The following HHLA1 variants were observed in gnomAD, a reference collection of about 807,000 sequenced individuals.
HHLA1 encodes the protein HHLA1 neighbor of OC90.
A neutral mutation model predicts 69.9 loss-of-function variants in HHLA1; 72 were observed. The observed-to-expected ratio is 1.03, with a 90% CI of 0.85 to 1.25. The LOEUF (loss-of-function observed/expected upper bound fraction) is 1.25, where lower values mean the gene tolerates loss of function less well. Among genes scored for constraint, HHLA1 ranks in the 50% most tolerant of loss-of-function variants. HHLA1 has a pLI of 0.00. For missense variants in HHLA1, 685 were observed against 642.2 expected (o/e 1.07, Z -0.72); for synonymous variants, 252 against 233.2 (o/e 1.08, Z -0.73).
chr8:132,070,875 TCTCAACTCATTACAA>T (rs1008146718), intron 15 of HHLA1, among the ~76,000 whole-genome samples: 1 of 151,780 alleles, frequency 6.6e-6, no homozygotes, highest in African/African-American at 2.4e-5. Flanking sequence ...ACTCAACTCA[TCTCAACTCATTACAA>T]CTCAACTCAA....
chr8:132,105,048 G>A (rs2130901642), intron 2 of HHLA1, 139 bp downstream of exon 2: 2 of 676,928 alleles, frequency 3.0e-6, no homozygotes, highest in Non-Finnish European at 2.6e-6. Flanking sequence ...AACAGAAGTA[G>A]GGAAGTTATT....
At chr8:132,102,230 T>A (rs1238919940) in intron 3 of HHLA1, among the ~76,000 whole-genome samples, 1 of 152,262 alleles carries the variant, frequency 6.6e-6, no homozygotes, top group East Asian at 1.9e-4. Context: ...CATTTCCTTT[T>A]CCTGTTTATC....
At position 132,077,989 on chromosome 8, in the gene HHLA1, C is replaced by G. The variant is rs1369445952; in HGVS notation, c.926-18G>C. On this transcript the variant is annotated intron_variant, in intron 11 of 16. Coordinates refer to ENST00000414222, the MANE Select transcript of HHLA1 (RefSeq NM_001145095.3). ...CCTGGTAGCTGCACATTCAAAGTGA[C>G]AGTAACAGGGTACAGACATGCTTGA... 10 of 1,551,218 alleles carry G rather than the reference C, an allele frequency of 6.4e-6. No homozygotes were observed. Among genetic ancestry groups the G allele is most frequent in the Non-Finnish European group, 8.7e-6 (10 of 1,146,734 alleles).
Position 132,076,475 on chromosome 8 carries a change from C to T in HHLA1, c.1240G>A (p.Gly414Ser). 3 of 1,518,096 alleles carry T rather than the reference C, an allele frequency of 2.0e-6. No individual in the cohort carries two copies. The highest frequency in any genetic ancestry group is 2.7e-6 in the Non-Finnish European group (3 of 1,125,946). The allele number at this position is 1,518,096 out of a possible 1,614,324, so 94.0% of individuals were successfully genotyped here. ...KATAPRYPQTGDLSAEWPFTA... is the reference protein window; with the variant it reads ...KATAPRYPQTSDLSAEWPFTA... ...CCCACTTCCGTACTGAGTTTCTCAC[C>T]TGTTTGTGGATATCTGGGGGCTGTT... Residue 414 changes from glycine (G) to serine (S), a missense_variant and splice_region_variant, in exon 13 of 17, where the codon GGT becomes AGT. Physicochemically the swap from Gly to Ser is moderately conservative, Grantham distance 56 (BLOSUM62 0). Transcript: ENST00000414222.
chr8:132,079,584 A>C, intron 11 of HHLA1, 134 bp downstream of exon 11: 1 of 976,656 alleles, frequency 1.0e-6, no homozygotes, highest in Non-Finnish European at 1.5e-6. Context: ...CAGATCTGTT[A>C]TTTAAGTAAG....
At chr8:132,071,195 T>G in intron 15 of HHLA1, 145 bp downstream of exon 15, 1 of 631,208 alleles carries the variant, frequency 1.6e-6, no homozygotes, top group East Asian at 2.8e-5. Context: ...AAGGACTCAC[T>G]GGAGAGTCCC....
chr8:132,084,370 G>C (rs1398098065), intron 10 of HHLA1, among the ~76,000 whole-genome samples: 2 of 152,124 alleles, frequency 1.3e-5, no homozygotes, highest in Non-Finnish European at 2.9e-5. Flanking sequence ...CTTGGGGTTG[G>C]TACTGAGGGG....
intron 3 of HHLA1, 46 bp downstream of exon 3, chr8:132,104,062 T>A: frequency 7.3e-7 from 1 of 1,378,698 alleles, no homozygotes; most frequent in Non-Finnish European, 1.0e-6. Context: ...TCAAGGAATT[T>A]GCCCAAGAAC....
intron 8 of HHLA1, among the ~76,000 whole-genome samples, chr8:132,088,423 G>A (rs1019236277): frequency 6.6e-6 from 1 of 152,212 alleles, no homozygotes; most frequent in African/African-American, 2.4e-5. Flanking sequence ...TTCTCTGGAT[G>A]CTGTTGGAGA....
intron 10 of HHLA1, chr8:132,080,436 G>A (rs1823731076): frequency 3.4e-6 from 1 of 295,406 alleles, no homozygotes; most frequent in East Asian, 9.5e-5. Flanking sequence ...GGCAGGAGTG[G>A]GGGTCTCAAG....
At chr8:132,091,515 C>A (rs1237579594) in intron 7 of HHLA1, among the ~76,000 whole-genome samples, 1 of 152,194 alleles carries the variant, frequency 6.6e-6, no homozygotes, top group African/African-American at 2.4e-5. Context: ...TTTGTCAATT[C>A]TCCCTTTAGA....
rs1299047748 is a variant in HHLA1 at position 132,066,175 on chromosome 8, G to GACTTATTT, written c.1470-215_1470-208dup. Among the ~76,000 whole-genome samples the GACTTATTT allele has an allele frequency of 3.3e-5, 5 of 152,316 alleles. No individual in the cohort carries two copies. In the South Asian group the frequency reaches 6.2e-4, roughly 19 times the overall value. On this transcript the variant is annotated intron_variant, in intron 15 of 16. Transcript: ENST00000414222. Reference sequence around the variant, plus strand: ...GAAGTTCAGACTTTGGGGCCAGCAAGACTTATTTTTATCCCTAGCCCCACT... The same window carrying GACTTATTT: ...GAAGTTCAGACTTTGGGGCCAGCAAGACTTATTTACTTATTTTTATCCCTAGCCCCACT...
chr8:132,092,875 A>C (rs1823967382), intron 7 of HHLA1, among the ~76,000 whole-genome samples: 2 of 152,236 alleles, frequency 1.3e-5, no homozygotes, highest in Admixed American at 1.3e-4. Flanking sequence ...CTATGAGAAC[A>C]CAGATCATTA....
intron 1 of HHLA1, among the ~76,000 whole-genome samples, 196 bp from the exon 2 acceptor site, chr8:132,105,482 G>A (rs1024207127): frequency 1.3e-5 from 2 of 152,224 alleles, no homozygotes; most frequent in Non-Finnish European, 2.9e-5. Flanking sequence ...TTTCTTGTTT[G>A]CAGTATATAT....
intron 14 of HHLA1, among the ~76,000 whole-genome samples, chr8:132,075,375 T>C (rs1213109354): frequency 6.6e-6 from 1 of 152,176 alleles, no homozygotes; most frequent in East Asian, 1.9e-4. Context: ...TTATGGAATC[T>C]GGCTCAACAG....
At chr8:132,104,030 G>A (rs1395588425) in intron 3 of HHLA1, 78 bp downstream of exon 3, 6 of 946,094 alleles carry the variant, frequency 6.3e-6, no homozygotes, top group South Asian at 4.2e-5. Flanking sequence ...CTTATCAGTA[G>A]AGAAAGTCAG....
At chr8:132,083,747 G>C (rs547690882) in intron 10 of HHLA1, among the ~76,000 whole-genome samples, 1 of 152,192 alleles carries the variant, frequency 6.6e-6, no homozygotes, top group African/African-American at 2.4e-5. Context: ...TGGCCGCTGC[G>C]GTTCGGGCGT....
At position 132,067,027 on chromosome 8, in the gene HHLA1, AG is replaced by A. The variant is rs145722487; in HGVS notation, c.1470-1060del. On this transcript the variant is annotated intron_variant, in intron 15 of 16. Coordinates refer to ENST00000414222, the MANE Select transcript of HHLA1 (RefSeq NM_001145095.3). ...AAGGGCTGAAAGAACCAACAGGGGA[AG>A]GTGTGGTAACCCCGCATTAGCAGCC... Among the ~76,000 whole-genome samples, 598 of 152,320 alleles carry A rather than the reference AG, an allele frequency of 3.9e-3. 7 individuals are homozygous for A. The highest frequency in any genetic ancestry group is 0.014 in the African/African-American group (576 of 41,580).
At chr8:132,104,281 G>T in intron 2 of HHLA1, 114 bp from the exon 3 acceptor site, 1 of 696,782 alleles carries the variant, frequency 1.4e-6, no homozygotes, top group Non-Finnish European at 2.5e-6. Flanking sequence ...GGGTTGTGAA[G>T]TGACATTTAG....
Sources: gnomAD v4.1 joint callset for allele counts (sites outside exome capture counted in the v4.1 genomes callset) on GRCh38, gnomAD v4.1.1 for gene constraint, MANE v1.5 for transcripts, NCBI Gene and HGNC (gene_info 2026-07-23, HGNC 2026-07-21) for gene names.